ELOVL2: variants seen among roughly 807,000 people sequenced by gnomAD.
ELOVL2 encodes very long chain fatty acid elongase 2.
In ELOVL2, 38 loss-of-function variants were observed where a neutral mutation model predicts 37.7. The ratio of observed to expected loss-of-function variants is 1.01; its 90% confidence interval spans 0.78 to 1.32. The LOEUF is 1.32. ELOVL2 is among the 40% of genes most tolerant of loss of function. ELOVL2 has a pLI of 0.00. For synonymous variants in ELOVL2, 115 were observed against 122.3 expected (o/e 0.94, Z 0.40); for missense variants, 352 against 363.6 (o/e 0.97, Z 0.26).
intron 1 of ELOVL2, among the ~76,000 whole-genome samples, chr6:11,021,204 A>T (rs974586123): frequency 6.6e-6 from 1 of 152,086 alleles, no homozygotes; most frequent in Non-Finnish European, 1.5e-5. Context: ...CCTCCAACAC[A>T]TCCTGTTCTC....
In ELOVL2 at chr6:11,007,416, T is replaced by C. The variant is rs555135409; in HGVS notation, c.68-1857A>G. ...ACAAGGACAAAAGAGAAGACGGCCA[T>C]GTGAAGAGGGAGGCAGAGATTGGAG... On this transcript the variant is annotated intron_variant, in intron 2 of 7. Transcript: ENST00000354666. 2.0e-5 allele frequency among the ~76,000 whole-genome samples: 3 copies of C among 152,148 alleles called. No homozygotes were observed. The East Asian group carries it at 5.8e-4, about 29-fold the overall frequency.
rs1246833493 is a variant in ELOVL2 at position 10,985,663 on chromosome 6, C to T, written c.766-1757G>A. Among the ~76,000 whole-genome samples the T allele has an allele frequency of 3.6e-3, 551 of 151,620 alleles. 3 individuals are homozygous for T. The highest frequency in any genetic ancestry group is 0.012 in the African/African-American group (507 of 41,248). On this transcript the variant is annotated intron_variant, in intron 7 of 7. Coordinates refer to ENST00000354666, the MANE Select transcript of ELOVL2 (RefSeq NM_017770.4). ...GTCAAAGATCAGATAGTTGTAGATA[C>T]GCAGCATTATTTCTGAGGGCTCTGT...
At chr6:10,999,417 T>C (rs9918362) in intron 4 of ELOVL2, among the ~76,000 whole-genome samples, 82,158 of 150,162 alleles carry the variant, frequency 0.55, 23,715 homozygotes, top group East Asian at 0.91. Context: ...GCTGTGTTGC[T>C]CAGGCTGGAG....
At position 11,005,443 on chromosome 6, in the gene ELOVL2, G is replaced by A. The variant is rs35925595; in HGVS notation, c.184C>T (p.Leu62Phe). ...AAGGTGAGGATACCCCTGAGAGAAA[G>A]AGCAGGTCTGTTCTTCATATACTTG... ...GNKYMKNRPA[L>F]SLRGILTLYN... Residue 62 changes from leucine to phenylalanine, a missense_variant, in exon 3 of 8, where the codon CTT becomes TTT. Coordinates refer to ENST00000354666, the MANE Select transcript of ELOVL2 (RefSeq NM_017770.4). The A allele has an allele frequency of 1.2e-6, 2 of 1,614,038 alleles. No individual in the cohort carries two copies. Among genetic ancestry groups the A allele is most frequent in the Non-Finnish European group, 1.7e-6 (2 of 1,180,006 alleles).
At chr6:11,015,344 C>T (rs1343157535) in intron 1 of ELOVL2, among the ~76,000 whole-genome samples, 1 of 152,056 alleles carries the variant, frequency 6.6e-6, no homozygotes, top group Non-Finnish European at 1.5e-5. Flanking sequence ...GAAATGACTC[C>T]ATATGGAAAG....
intron 1 of ELOVL2, among the ~76,000 whole-genome samples, chr6:11,022,055 G>A (rs1440216599): frequency 6.6e-6 from 1 of 152,170 alleles, no homozygotes; most frequent in African/African-American, 2.4e-5. Context: ...CATTCCCCAG[G>A]GGTCCCAGGG....
At chr6:11,025,222 T>C (rs956018999) in intron 1 of ELOVL2, among the ~76,000 whole-genome samples, 9 of 152,166 alleles carry the variant, frequency 5.9e-5, no homozygotes, top group African/African-American at 1.9e-4. Context: ...GTTCCCACTC[T>C]CCATCCACGC....
chr6:11,044,249 C>A lies in ELOVL2; in HGVS notation c.-19G>T, dbSNP rs781021145. ...TCACCATGATCCGCAGCGGCTGTGGCGCGGCGACCCGGGCGGGCGGCGATG... is the reference window on the plus strand; with the variant it reads ...TCACCATGATCCGCAGCGGCTGTGGAGCGGCGACCCGGGCGGGCGGCGATG... On this transcript the variant is annotated 5_prime_UTR_variant, in exon 1 of 8. Coordinates refer to ENST00000354666, the MANE Select transcript of ELOVL2 (RefSeq NM_017770.4). The surrounding 1 kb of genome is among the most constrained non-coding windows in gnomAD (Gnocchi z 5.6). 2 of 1,339,872 alleles carry A rather than the reference C, an allele frequency of 1.5e-6. No homozygotes were observed. Among genetic ancestry groups the A allele is most frequent in the Non-Finnish European group, 1.9e-6 (2 of 1,047,260 alleles). 83.0% of individuals were successfully genotyped at this position (1,339,872 alleles called of 1,614,324 possible).
At chr6:11,033,130 G>A (rs1242826877) in intron 1 of ELOVL2, among the ~76,000 whole-genome samples, 2 of 151,704 alleles carry the variant, frequency 1.3e-5, no homozygotes, top group African/African-American at 2.4e-5. Context: ...TACCTATCTT[G>A]CCCCCTTCTA....
chr6:10,987,086 A>G (rs886990996), intron 7 of ELOVL2, among the ~76,000 whole-genome samples: 6 of 152,130 alleles, frequency 3.9e-5, no homozygotes, highest in African/African-American at 1.4e-4. Context: ...GGGAGGGTGT[A>G]TGTGTCGAGG....
chr6:10,985,705 A>T (rs946550221), intron 7 of ELOVL2, among the ~76,000 whole-genome samples: 2 of 151,970 alleles, frequency 1.3e-5, no homozygotes, highest in African/African-American at 4.8e-5. Flanking sequence ...CCATTGATCT[A>T]TATCTCTGTT....
intron 1 of ELOVL2, among the ~76,000 whole-genome samples, chr6:11,040,778 CCAT>C (rs958470541): frequency 1.3e-5 from 2 of 152,118 alleles, no homozygotes; most frequent in African/African-American, 4.8e-5. Flanking sequence ...ATAAAGGGCA[CCAT>C]CATATTTGTT....
intron 4 of ELOVL2, among the ~76,000 whole-genome samples, chr6:10,997,134 C>G (rs963172207): frequency 1.3e-5 from 2 of 152,056 alleles, no homozygotes; most frequent in African/African-American, 4.8e-5. Flanking sequence ...GAGAATAAGT[C>G]AAATGAACAC....
At chr6:11,005,313 T>G (rs977224498) in intron 3 of ELOVL2, 59 bp downstream of exon 3, 2 of 1,482,806 alleles carry the variant, frequency 1.3e-6, no homozygotes, top group Non-Finnish European at 1.8e-6. Context: ...GATGTGGTTG[T>G]TTCTGTTAAT....
chr6:11,019,940 C>G (rs1782739737), intron 1 of ELOVL2, among the ~76,000 whole-genome samples: 1 of 152,160 alleles, frequency 6.6e-6, no homozygotes, highest in African/African-American at 2.4e-5. Context: ...GCTGAGGTTT[C>G]ACCATGTTGG....
intron 1 of ELOVL2, among the ~76,000 whole-genome samples, chr6:11,011,333 A>C (rs900247072): frequency 6.7e-6 from 1 of 150,306 alleles, no homozygotes; most frequent in Non-Finnish European, 1.5e-5. Context: ...GCCACCTCAC[A>C]CCAGCCTGGG....
At chr6:11,025,975 G>A (rs1314694550) in intron 1 of ELOVL2, among the ~76,000 whole-genome samples, 4 of 152,122 alleles carry the variant, frequency 2.6e-5, no homozygotes. Context: ...GGGTCAGTTC[G>A]GTAACTCTAA....
At chr6:11,006,291 C>G (rs950405441) in intron 2 of ELOVL2, among the ~76,000 whole-genome samples, 1 of 152,310 alleles carries the variant, frequency 6.6e-6, no homozygotes, top group East Asian at 1.9e-4. Context: ...GGGAGGCAAG[C>G]AGCTGAATAC....
At chr6:10,984,397 A>C (rs1782004038) in intron 7 of ELOVL2, among the ~76,000 whole-genome samples, 1 of 151,966 alleles carries the variant, frequency 6.6e-6, no homozygotes, top group Non-Finnish European at 1.5e-5. Flanking sequence ...TTTAGGGAAC[A>C]TGTGCACAAT....
Sources: allele counts gnomAD v4.1 joint callset (sites outside exome capture counted in the v4.1 genomes callset), GRCh38; gene constraint gnomAD v4.1.1; non-coding constraint Gnocchi (gnomAD v3.1); transcripts MANE v1.5; gene names NCBI Gene and HGNC (gene_info 2026-07-23, HGNC 2026-07-21).